Variants in FAR2 observed in about 807,000 individuals in gnomAD.
FAR2 encodes the protein fatty acyl-CoA reductase 2.
FAR2 carries 19 observed loss-of-function variants against 56.0 expected under a neutral mutation model. The ratio of observed to expected loss-of-function variants is 0.34; its 90% confidence interval spans 0.24 to 0.50. The LOEUF is 0.50. Ranked by LOEUF, FAR2 falls within the 20% of genes least tolerant of loss-of-function variation. FAR2 has a pLI of 0.98. For synonymous variants in FAR2, 219 were observed against 218.8 expected, an observed-to-expected ratio of 1.00 and a Z score of -0.01; for missense variants, 508 against 642.2, an observed-to-expected ratio of 0.79 and a Z score of 2.26.
intron 1 of FAR2, among the ~76,000 whole-genome samples, chr12:29,193,046 G>T (rs1020132754): frequency 3.3e-5 from 5 of 151,990 alleles, no homozygotes; most frequent in Admixed American, 6.6e-5. Flanking sequence ...TATAGCAGAG[G>T]GTCAAAAGCT....
chr12:29,271,006 T>G (rs572052973), intron 2 of FAR2, among the ~76,000 whole-genome samples: 2 of 152,238 alleles, frequency 1.3e-5, no homozygotes, highest in African/African-American at 4.8e-5. Flanking sequence ...TTTTTGGATA[T>G]TCTTCTATTC....
chr12:29,253,250 G>GATATCTATATCT (rs74190120), intron 1 of FAR2, among the ~76,000 whole-genome samples: 3,892 of 45,272 alleles, frequency 0.086, 498 homozygotes, highest in Middle Eastern at 0.22. Context: ...TCTATATATC[G>GATATCTATATCT]ATATCTATCT....
In FAR2 at chr12:29,293,285, A is replaced by G. The variant is rs760682685; in HGVS notation, c.190-15A>G. ...GGTGCTATTTTTTGTATATTGATCT[A>G]TATTTATGTTTCAGCTATTTGAGAA... is the stretch of plus-strand genomic sequence containing the variant. On this transcript the variant is annotated splice_polypyrimidine_tract_variant and intron_variant, in intron 2 of 11. Transcript: ENST00000536681. The G allele has an allele frequency of 6.4e-7, 1 of 1,552,392 alleles. No individual in the cohort carries two copies. Among genetic ancestry groups the G allele is most frequent in the Non-Finnish European group, 8.7e-7 (1 of 1,149,904 alleles).
chr12:29,235,062 G>T (rs1298511257), intron 1 of FAR2, among the ~76,000 whole-genome samples: 3 of 152,110 alleles, frequency 2.0e-5, no homozygotes, highest in Non-Finnish European at 4.4e-5. Flanking sequence ...TGTTGTACTT[G>T]TATTGACTCA....
At chr12:29,175,094 G>A (rs931853592) in intron 1 of FAR2, among the ~76,000 whole-genome samples, 5 of 152,182 alleles carry the variant, frequency 3.3e-5, no homozygotes, top group Non-Finnish European at 5.9e-5. Context: ...ACTTTCAACT[G>A]GCTGACAGGT....
In FAR2 at chr12:29,290,116, C is replaced by T. The variant is rs147859705; in HGVS notation, c.190-3184C>T. Among the ~76,000 whole-genome samples, 144 of 152,230 alleles carry T rather than the reference C, an allele frequency of 9.5e-4. 1 individual carries two copies. The highest frequency in any genetic ancestry group is 1.7e-3 in the Non-Finnish European group (116 of 68,010). The stretch of plus-strand genomic sequence containing the variant: ...GGAATGTAAATTAGTACAACCACTA[C>T]GGAGAACAGTTTGCATGTTCCTCAA... On this transcript the variant is annotated intron_variant, in intron 2 of 11. Coordinates refer to ENST00000536681, the MANE Select transcript of FAR2 (RefSeq NM_001271783.2).
intron 1 of FAR2, among the ~76,000 whole-genome samples, chr12:29,268,894 G>T (rs2136704471): frequency 6.6e-6 from 1 of 152,254 alleles, no homozygotes; most frequent in African/African-American, 2.4e-5. Context: ...ATTTTCAAAA[G>T]GGGAGGGAGT....
intron 1 of FAR2, among the ~76,000 whole-genome samples, chr12:29,232,142 T>A (rs1260059232): frequency 6.6e-6 from 1 of 152,116 alleles, no homozygotes; most frequent in Non-Finnish European, 1.5e-5. Context: ...ACTGAACTAT[T>A]TGGTAGCAAT....
intron 1 of FAR2, among the ~76,000 whole-genome samples, chr12:29,217,648 T>G (rs1295993580): frequency 1.3e-5 from 2 of 152,176 alleles, no homozygotes; most frequent in African/African-American, 4.8e-5. Context: ...AGTTCCTGAT[T>G]GGATTGAAGT....
chr12:29,203,539 C>G (rs1359051934), intron 1 of FAR2, among the ~76,000 whole-genome samples: 1 of 152,142 alleles, frequency 6.6e-6, no homozygotes, highest in Non-Finnish European at 1.5e-5. Flanking sequence ...TTGTATTAGG[C>G]CTGTATGGTC....
At chr12:29,241,433 C>T (rs1948033037) in intron 1 of FAR2, among the ~76,000 whole-genome samples, 1 of 152,008 alleles carries the variant, frequency 6.6e-6, no homozygotes, top group Admixed American at 6.6e-5. Flanking sequence ...TTATTCTGTA[C>T]ATCATGGTTT....
intron 1 of FAR2, among the ~76,000 whole-genome samples, chr12:29,194,777 T>A (rs1950131940): frequency 6.6e-6 from 1 of 152,106 alleles, no homozygotes; most frequent in Non-Finnish European, 1.5e-5. Flanking sequence ...ACCTGAGGAT[T>A]TTTGTCAGCT....
At chr12:29,292,360 A>AT (rs1948983745) in intron 2 of FAR2, 1 of 152,214 alleles carries the variant, frequency 6.6e-6, no homozygotes, top group East Asian at 1.9e-4. Context: ...AAAATATATC[A>AT]TGTAGACTCA....
intron 1 of FAR2, among the ~76,000 whole-genome samples, chr12:29,199,888 G>C (rs1046956143): frequency 2.6e-5 from 4 of 152,164 alleles, no homozygotes; most frequent in Non-Finnish European, 5.9e-5. Context: ...ATCAGGATTA[G>C]AGATTGATTC....
At chr12:29,176,422 G>C (rs1949938681) in intron 1 of FAR2, among the ~76,000 whole-genome samples, 1 of 152,152 alleles carries the variant, frequency 6.6e-6, no homozygotes. Flanking sequence ...TCATCTGTCA[G>C]TCTCAAAGAC....
Position 29,192,864 on chromosome 12 carries a change from A to G in FAR2, c.-39+43457A>G, listed in dbSNP as rs1288912379. On this transcript the variant is annotated intron_variant, in intron 1 of 11. Transcript: ENST00000536681. ...AAATAAAAATGAAAGGGAAATGGAA[A>G]GCAAGAGACTCAAAACAAATGCTTC... is the stretch of plus-strand genomic sequence containing the variant. Among the ~76,000 whole-genome samples the G allele has an allele frequency of 3.3e-5, 5 of 151,436 alleles. No homozygotes were observed. In the East Asian group the frequency reaches 9.6e-4, roughly 29 times the overall value.
chr12:29,276,073 G>A (rs888108137), intron 2 of FAR2, among the ~76,000 whole-genome samples: 8 of 152,116 alleles, frequency 5.3e-5, no homozygotes, highest in Admixed American at 4.6e-4. Flanking sequence ...ATCTCCATAC[G>A]ACCAATTGTG....
chr12:29,179,809 C>G (rs2136595978), intron 1 of FAR2, among the ~76,000 whole-genome samples: 1 of 152,134 alleles, frequency 6.6e-6, no homozygotes, highest in East Asian at 1.9e-4. Flanking sequence ...TTCTACTAGT[C>G]AGGTATTATA....
intron 2 of FAR2, among the ~76,000 whole-genome samples, chr12:29,286,705 T>C (rs953227470): frequency 5.3e-5 from 8 of 152,204 alleles, no homozygotes; most frequent in Non-Finnish European, 5.9e-5. Context: ...TGTAGAATAT[T>C]ATGTAAAGTG....
Sources: gnomAD v4.1 joint callset for allele counts (sites outside exome capture counted in the v4.1 genomes callset) on GRCh38, gnomAD v4.1.1 for gene constraint, MANE v1.5 for transcripts, NCBI Gene and HGNC (gene_info 2026-07-23, HGNC 2026-07-21) for gene names.